Variants in PIGN observed in about 807,000 individuals in gnomAD.
PIGN encodes phosphatidylinositol glycan anchor biosynthesis class N.
Under a neutral mutation model 125.4 loss-of-function variants are expected in PIGN, and 117 were observed. The ratio of observed to expected loss-of-function variants is 0.93; its 90% CI spans 0.80 to 1.09. PIGN has a LOEUF of 1.09. PIGN is among the 50% of genes least tolerant of loss of function. PIGN has a pLI of 0.00. For synonymous variants in PIGN, 392 were observed against 377.8 expected (o/e 1.04, Z -0.44); for missense variants, 1,075 against 1,094.9 (o/e 0.98, Z 0.26).
chr18:62,036,180 G>A (rs1394970513), downstream of PIGN, among the ~76,000 whole-genome samples: 1 of 152,054 alleles, frequency 6.6e-6, no homozygotes, highest in Non-Finnish European at 1.5e-5. Flanking sequence ...GCACTGCATT[G>A]GCATGCATCA....
intron 4 of PIGN, among the ~76,000 whole-genome samples, chr18:62,160,734 C>T (rs2147607677): frequency 6.6e-6 from 1 of 152,292 alleles, no homozygotes; most frequent in Non-Finnish European, 1.5e-5. Flanking sequence ...GTCTCAAACT[C>T]CTGACCTCAG....
chr18:62,048,243 G>A (rs976274536), intron 30 of PIGN, among the ~76,000 whole-genome samples: 1 of 152,096 alleles, frequency 6.6e-6, no homozygotes, highest in Non-Finnish European at 1.5e-5. Context: ...TGTGTCACTG[G>A]ACTTCTAGAA....
intron 30 of PIGN, among the ~76,000 whole-genome samples, chr18:62,051,392 C>T (rs1021435300): frequency 6.6e-6 from 1 of 152,128 alleles, no homozygotes; most frequent in Non-Finnish European, 1.5e-5. Flanking sequence ...TGTTATTGGA[C>T]TATTCAGAGA....
At chr18:62,023,302 G>T (rs2030075907) in intron 23 of PIGN, among the ~76,000 whole-genome samples, 1 of 152,142 alleles carries the variant, frequency 6.6e-6, no homozygotes, top group Admixed American at 6.5e-5. Flanking sequence ...GCCAATTCAG[G>T]ATATTTTATA....
intron 20 of PIGN, among the ~76,000 whole-genome samples, chr18:62,104,677 C>G (rs1350061165): frequency 4.6e-5 from 7 of 152,062 alleles, no homozygotes; most frequent in Non-Finnish European, 1.0e-4. Context: ...TCTCATAAAT[C>G]AGCACATATT....
Position 62,114,723 on chromosome 18 carries a change from G to C in PIGN, c.1173-84C>G, listed in dbSNP as rs912578606. On this transcript the variant is annotated intron_variant, in intron 14 of 30. Coordinates refer to ENST00000640252, the MANE Select transcript of PIGN (RefSeq NM_176787.5). ...TTTTTCCCCTTAATTAAAAAACAAA[G>C]ATAGTGAAAATTACAAAACAGCAAA... is the stretch of plus-strand genomic sequence containing the variant. 3 of 598,760 alleles carry C rather than the reference G, an allele frequency of 5.0e-6. No individual in the cohort carries two copies. In the African/African-American group the frequency reaches 5.8e-5, roughly 12 times the overall value. The allele number at this position is 598,760 out of a possible 1,614,324, so 37.1% of individuals were successfully genotyped here.
At position 62,101,222 on chromosome 18, in the gene PIGN, T is replaced by C. The variant is rs757961243; in HGVS notation, c.1969-39A>G. The C allele has an allele frequency of 5.1e-6, 6 of 1,182,138 alleles. No homozygotes were observed. In the South Asian group the frequency reaches 7.5e-5, roughly 15 times the overall value. 73.2% of individuals were successfully genotyped at this position (1,182,138 alleles called of 1,614,324 possible). ...TGAAATAGGTTAAAAAAAGAGAAGG[T>C]AGTGAAAGACTCTAACTAGCAAGAA... On this transcript the variant is annotated intron_variant, in intron 21 of 30. Coordinates refer to ENST00000640252, the MANE Select transcript of PIGN (RefSeq NM_176787.5).
At chr18:62,166,204 T>C (rs1447084210) in intron 1 of PIGN, among the ~76,000 whole-genome samples, 1 of 152,206 alleles carries the variant, frequency 6.6e-6, no homozygotes, top group Admixed American at 6.5e-5. Flanking sequence ...ACTGAAAGTC[T>C]AGCAGCCAGA....
chr18:62,119,842 T>C (rs1475197110), intron 14 of PIGN, among the ~76,000 whole-genome samples: 1 of 76,420 alleles, frequency 1.3e-5, no homozygotes, highest in Non-Finnish European at 2.8e-5. Context: ...AGACTCTGTC[T>C]CAAAAAAAAA....
intron 14 of PIGN, among the ~76,000 whole-genome samples, chr18:62,123,709 G>T (rs941637809): frequency 2.6e-5 from 4 of 152,066 alleles, no homozygotes; most frequent in African/African-American, 9.7e-5. Context: ...TTCAGTTTTT[G>T]AATTTTAGAT....
At chr18:62,113,825 A>G (rs1344592796) in intron 15 of PIGN, among the ~76,000 whole-genome samples, 1 of 152,132 alleles carries the variant, frequency 6.6e-6, no homozygotes, top group Non-Finnish European at 1.5e-5. Context: ...TGAAAACAGA[A>G]TTCTTTTCTA....
At chr18:62,039,148 T>C (rs1240174640), downstream of PIGN, among the ~76,000 whole-genome samples, 2 of 151,956 alleles carry the variant, frequency 1.3e-5, no homozygotes, top group Non-Finnish European at 1.5e-5. Flanking sequence ...ACACTTCTAA[T>C]GCATTTATGT....
intron 28 of PIGN, 22 bp from the exon 29 acceptor site, chr18:62,074,843 A>C (rs776823353): frequency 2.6e-6 from 4 of 1,526,622 alleles, no homozygotes; most frequent in Non-Finnish European, 3.6e-6. Flanking sequence ...AAGAAGGAAA[A>C]ATTACATCTA....
chr18:62,058,632 T>A (rs1374428583), intron 30 of PIGN, among the ~76,000 whole-genome samples: 2 of 152,236 alleles, frequency 1.3e-5, no homozygotes, highest in African/African-American at 4.8e-5. Context: ...AGGACATACA[T>A]CAACATGTTG....
intron 19 of PIGN, among the ~76,000 whole-genome samples, chr18:62,105,899 C>T (rs1297620352): frequency 6.6e-6 from 1 of 152,022 alleles, no homozygotes; most frequent in Non-Finnish European, 1.5e-5. Context: ...TCACAATAAC[C>T]TCAAGAGGCA....
At chr18:62,127,017 T>C (rs927088659) in intron 14 of PIGN, among the ~76,000 whole-genome samples, 1 of 152,186 alleles carries the variant, frequency 6.6e-6, no homozygotes, top group Non-Finnish European at 1.5e-5. Flanking sequence ...AAAGCAGTAT[T>C]TCTCAAGGAG....
intron 28 of PIGN, among the ~76,000 whole-genome samples, chr18:62,081,001 T>C (rs2033422073): frequency 6.6e-6 from 1 of 152,174 alleles, no homozygotes; most frequent in Non-Finnish European, 1.5e-5. Context: ...AAAGTAAATT[T>C]TAAGTTATGA....
At chr18:62,173,283 CA>C (rs1460273097) in intron 1 of PIGN, among the ~76,000 whole-genome samples, 1 of 152,222 alleles carries the variant, frequency 6.6e-6, no homozygotes, top group Non-Finnish European at 1.5e-5. Flanking sequence ...ACAGTAGCCT[CA>C]CTCTGCCACC....
chr18:62,153,758 A>C (rs2036621117), intron 7 of PIGN: 1 of 152,218 alleles, frequency 6.6e-6, no homozygotes, highest in African/African-American at 2.4e-5. Flanking sequence ...ATACAAAGAA[A>C]AAGGCAGATA....
Sources: gnomAD v4.1 joint callset for allele counts (sites outside exome capture counted in the v4.1 genomes callset) on GRCh38, gnomAD v4.1.1 for gene constraint, MANE v1.5 for transcripts, NCBI Gene and HGNC (gene_info 2026-07-23, HGNC 2026-07-21) for gene names.